THSD7A: variants seen among roughly 807,000 people sequenced by gnomAD.
The protein encoded by THSD7A is thrombospondin type 1 domain containing 7A.
Under a neutral mutation model 231.3 loss-of-function variants are expected in THSD7A, and 96 were observed. The ratio of observed to expected loss-of-function variants is 0.41; its 90% CI spans 0.35 to 0.49. THSD7A has a LOEUF of 0.49. Among genes scored for constraint, THSD7A ranks in the 20% least tolerant of loss-of-function variants. The probability of loss-of-function intolerance (pLI) is 0.05; values close to 1 mark genes in which losing one functional copy is unlikely to be tolerated. For missense variants in THSD7A, 2,290 were observed against 2,070.2 expected (o/e 1.11, Z -2.06); for synonymous variants, 940 against 743.3 (o/e 1.26, Z -4.30).
chr7:11,517,723 GA>G (rs1429107302), intron 6 of THSD7A, among the ~76,000 whole-genome samples: 1 of 152,170 alleles, frequency 6.6e-6, no homozygotes, highest in African/African-American at 2.4e-5. Context: ...GAGATACATA[GA>G]AGATAATTTT....
intron 11 of THSD7A, among the ~76,000 whole-genome samples, chr7:11,451,652 G>A (rs992583108): frequency 6.6e-6 from 1 of 151,964 alleles, no homozygotes; most frequent in African/African-American, 2.4e-5. Flanking sequence ...TTCAAGCTAT[G>A]TTTTAAAGAG....
At chr7:11,684,017 A>G (rs982785402) in intron 1 of THSD7A, among the ~76,000 whole-genome samples, 8 of 152,056 alleles carry the variant, frequency 5.3e-5, no homozygotes, top group East Asian at 3.9e-4. Flanking sequence ...GCAACACAAC[A>G]ACAAAAAATA....
chr7:11,467,163 A>G (rs561687376), intron 9 of THSD7A, among the ~76,000 whole-genome samples: 2 of 152,150 alleles, frequency 1.3e-5, no homozygotes, highest in East Asian at 3.9e-4. Flanking sequence ...TCTCACAGTC[A>G]TTTAAGGCTT....
At chr7:11,728,313 G>A (rs1188164929) in intron 1 of THSD7A, among the ~76,000 whole-genome samples, 4 of 151,960 alleles carry the variant, frequency 2.6e-5, no homozygotes, top group Non-Finnish European at 5.9e-5. Flanking sequence ...GCAAAGCCAT[G>A]CTCAACCTTT....
At chr7:11,376,433 C>G in intron 27 of THSD7A, 137 bp downstream of exon 27, 2 of 696,256 alleles carry the variant, frequency 2.9e-6, no homozygotes, top group East Asian at 2.8e-5. Flanking sequence ...TTTAGCCCAT[C>G]TAGGACTAAA....
At chr7:11,535,267 G>C (rs1276781682) in intron 6 of THSD7A, among the ~76,000 whole-genome samples, 4 of 151,922 alleles carry the variant, frequency 2.6e-5, no homozygotes, top group African/African-American at 9.7e-5. Context: ...AACTCTGACG[G>C]TTTTTTCTAA....
At chr7:11,802,083 A>G (rs1286905240) in intron 1 of THSD7A, among the ~76,000 whole-genome samples, 1 of 152,174 alleles carries the variant, frequency 6.6e-6, no homozygotes, top group African/African-American at 2.4e-5. Context: ...CAAGGCTGAC[A>G]ATTTTCTCAA....
intron 6 of THSD7A, among the ~76,000 whole-genome samples, chr7:11,532,514 T>C (rs762202471): frequency 4.9e-4 from 75 of 152,162 alleles, no homozygotes; most frequent in Non-Finnish European, 9.6e-4. Flanking sequence ...TCATTTGCCA[T>C]AATTCTCCCA....
intron 1 of THSD7A, chr7:11,820,480 G>T: frequency 9.4e-7 from 1 of 1,068,756 alleles, no homozygotes. Flanking sequence ...AGGTCATCAT[G>T]CAAGTAATAC....
At chr7:11,732,139 G>C (rs1381538610) in intron 1 of THSD7A, among the ~76,000 whole-genome samples, 1 of 151,678 alleles carries the variant, frequency 6.6e-6, no homozygotes, top group Admixed American at 6.6e-5. Flanking sequence ...AGATAATGCT[G>C]TTTATTGAGC....
In THSD7A at chr7:11,411,101, A is replaced by G. The variant is rs1411224725; in HGVS notation, c.3798+106T>C. On this transcript the variant is annotated intron_variant, in intron 19 of 27. Coordinates refer to ENST00000423059, the MANE Select transcript of THSD7A (RefSeq NM_015204.3). The surrounding 1 kb of genome is among the most constrained non-coding windows in gnomAD (Gnocchi z 4.1). ...TAGCCTGTGAACAGTGCAGAAAAAC[A>G]TCTGCTGGCAATGAGCTGCATGGAG... The G allele has an allele frequency of 5.3e-6, 4 of 751,398 alleles. No individual in the cohort carries two copies. Among genetic ancestry groups the G allele is most frequent in the Non-Finnish European group, 9.0e-6 (4 of 446,472 alleles). 46.5% of individuals were successfully genotyped at this position (751,398 alleles called of 1,614,324 possible). A position where few individuals can be genotyped will look rare whatever the true frequency, so the allele number is the denominator to read the frequency against.
In THSD7A at chr7:11,371,536, C is replaced by G. The variant is rs149473235; in HGVS notation, c.*4258G>C. 1 of 152,218 alleles carries G rather than the reference C, an allele frequency of 6.6e-6. No individual in the cohort carries two copies. The highest frequency in any genetic ancestry group is 2.4e-5 in the African/African-American group (1 of 41,548). The allele number at this position is 152,218 out of a possible 1,614,324, so 9.4% of individuals were successfully genotyped here. On this transcript the variant is annotated 3_prime_UTR_variant, in exon 28 of 28. Transcript: ENST00000423059. ...GTAATATATTTATAAACAGGAGATC[C>G]CAGATCATTTGGGAATTGTGCTTCT...
At chr7:11,592,231 G>A (rs1462424451) in intron 3 of THSD7A, among the ~76,000 whole-genome samples, 2 of 152,142 alleles carry the variant, frequency 1.3e-5, no homozygotes, top group Non-Finnish European at 2.9e-5. Context: ...CCAAAGTGCT[G>A]CAGAATTATA....
chr7:11,449,441 C>A (rs1785075785), intron 11 of THSD7A, among the ~76,000 whole-genome samples: 1 of 151,950 alleles, frequency 6.6e-6, no homozygotes, highest in South Asian at 2.1e-4. Context: ...CTTGAGTATT[C>A]AAGGTACAGG....
intron 2 of THSD7A, among the ~76,000 whole-genome samples, chr7:11,594,063 A>C (rs147941349): frequency 6.6e-6 from 1 of 152,170 alleles, no homozygotes; most frequent in African/African-American, 2.4e-5. Context: ...TCAGCTGCCA[A>C]TGCGGCTAGA....
chr7:11,474,278 C>A lies in THSD7A; in HGVS notation c.2252+56G>T, dbSNP rs752527174. The A allele has an allele frequency of 2.0e-5, 29 of 1,442,462 alleles. No individual in the cohort carries two copies. Among genetic ancestry groups the A allele is most frequent in the Non-Finnish European group, 2.7e-5 (28 of 1,050,854 alleles). 89.4% of individuals were successfully genotyped at this position (1,442,462 alleles called of 1,614,324 possible). On this transcript the variant is annotated intron_variant, in intron 8 of 27. Transcript: ENST00000423059. This position sits in a 1 kb window ranked among gnomAD's most constrained non-coding sequence, Gnocchi z 4.1. ...TTTCATGAAGCCAGTGAAGCCTGAG[C>A]CAATCCTCTGCACAGGTGGCTACAC... is the stretch of plus-strand genomic sequence containing the variant.
chr7:11,764,746 G>A (rs1782980507), intron 1 of THSD7A, among the ~76,000 whole-genome samples: 1 of 151,792 alleles, frequency 6.6e-6, no homozygotes, highest in African/African-American at 2.4e-5. Context: ...GATTATATTA[G>A]GATTATATTA....
At chr7:11,516,477 C>G (rs574408009) in intron 6 of THSD7A, among the ~76,000 whole-genome samples, 8 of 152,134 alleles carry the variant, frequency 5.3e-5, no homozygotes, top group Admixed American at 4.6e-4. Context: ...ATTATAGTGC[C>G]TCATCCCCAT....
At chr7:11,552,797 T>C (rs756160106) in intron 4 of THSD7A, among the ~76,000 whole-genome samples, 1 of 152,086 alleles carries the variant, frequency 6.6e-6, no homozygotes, top group Non-Finnish European at 1.5e-5. Context: ...GAGAGTTCAT[T>C]TGCATAATAA....
Sources: gnomAD v4.1 joint callset for allele counts (sites outside exome capture counted in the v4.1 genomes callset) on GRCh38, gnomAD v4.1.1 for gene constraint, Gnocchi (gnomAD v3.1) non-coding constraint, MANE v1.5 for transcripts, NCBI Gene and HGNC (gene_info 2026-07-23, HGNC 2026-07-21) for gene names.